DMD: variants seen among roughly 807,000 people sequenced by gnomAD.
The protein encoded by DMD is dystrophin.
Under a neutral mutation model 330.1 loss-of-function variants are expected in DMD, and 63 were observed. That is an observed-to-expected ratio of 0.19 (90% CI 0.16 to 0.24). DMD has a LOEUF of 0.24. DMD is among the 10% of genes least tolerant of loss of function. The probability of loss-of-function intolerance (pLI) is 1.00; values close to 1 mark genes in which losing one functional copy is unlikely to be tolerated. For missense variants in DMD, 3,344 were observed against 2,684.1 expected, an observed-to-expected ratio of 1.25 and a Z score of -5.43; for synonymous variants, 1,223 against 959.8, an observed-to-expected ratio of 1.27 and a Z score of -5.07.
intron 2 of DMD, among the ~76,000 whole-genome samples, chrX:32,908,975 C>A (rs1364547900): frequency 9.0e-6 from 1 of 110,996 alleles, no homozygotes; most frequent in African/African-American, 3.3e-5. Flanking sequence ...AATCCTCACA[C>A]CTTTGCATCT....
chrX:32,567,691 C>G (rs945781573), intron 15 of DMD, among the ~76,000 whole-genome samples: 1 of 112,583 alleles, frequency 8.9e-6, no homozygotes, highest in African/African-American at 3.2e-5. Context: ...GCCACCATAC[C>G]CAGCCCAATA....
intron 16 of DMD, among the ~76,000 whole-genome samples, chrX:32,563,694 C>A (rs1433678481): frequency 3.6e-5 from 4 of 111,488 alleles, no homozygotes; most frequent in Non-Finnish European, 5.7e-5. Context: ...ATAATCAAAT[C>A]AGTAATATTT....
At chrX:32,729,738 A>T (rs1268877992) in intron 7 of DMD, among the ~76,000 whole-genome samples, 11 of 86,193 alleles carry the variant, frequency 1.3e-4, no homozygotes, top group Non-Finnish European at 1.1e-4. Context: ...AAATTCAGAA[A>T]ACTACATGTT....
rs756267505 is a variant in DMD at position 31,209,714 on chromosome X, T to C, written c.9362-15A>G. 8.3e-7 allele frequency: 1 copy of C among 1,201,922 alleles called. No individual in the cohort carries two copies. The highest frequency in any genetic ancestry group is 2.2e-5 in the Admixed American group (1 of 45,671). On this transcript the variant is annotated splice_polypyrimidine_tract_variant and intron_variant, in intron 64 of 78. Transcript: ENST00000357033. ...CAAGAGATCCACTGCAAAAAACAAA[T>C]AAAATCACAAATGACTCAAAGAGTA...
chrX:32,829,538 G>A (rs1253832243), intron 4 of DMD, among the ~76,000 whole-genome samples: 1 of 111,290 alleles, frequency 9.0e-6, no homozygotes, highest in Non-Finnish European at 1.9e-5. Context: ...TACCTATTTT[G>A]TTAATCTTTT....
intron 4 of DMD, among the ~76,000 whole-genome samples, chrX:32,827,379 G>A (rs939972650): frequency 9.0e-6 from 1 of 111,138 alleles, no homozygotes; most frequent in Non-Finnish European, 1.9e-5. Context: ...ATTGGGAATT[G>A]GAGATATTAT....
intron 59 of DMD, among the ~76,000 whole-genome samples, chrX:31,465,688 T>C (rs1160626556): frequency 8.9e-6 from 1 of 112,023 alleles, no homozygotes; most frequent in South Asian, 3.7e-4. Flanking sequence ...GTCTTTATAG[T>C]AGAATGATTT....
At chrX:32,645,681 C>T (rs1303447864) in intron 9 of DMD, among the ~76,000 whole-genome samples, 3 of 111,646 alleles carry the variant, frequency 2.7e-5, no homozygotes, top group Non-Finnish European at 5.6e-5. Context: ...ATACCTCACC[C>T]ACCCATCTAA....
chrX:32,655,961 C>T (rs901694102), intron 9 of DMD, among the ~76,000 whole-genome samples: 9 of 107,335 alleles, frequency 8.4e-5, no homozygotes, highest in Non-Finnish European at 1.3e-4. Flanking sequence ...AGGATTGCAA[C>T]CCCTGCCTTT....
At chrX:32,663,126 G>T (rs1169472309) in intron 9 of DMD, among the ~76,000 whole-genome samples, 2 of 111,772 alleles carry the variant, frequency 1.8e-5, no homozygotes, top group African/African-American at 3.2e-5. Context: ...AATCTTGAGT[G>T]GAGTCTACTA....
At chrX:31,992,709 A>T (rs1376208494) in intron 44 of DMD, among the ~76,000 whole-genome samples, 4 of 111,173 alleles carry the variant, frequency 3.6e-5, no homozygotes, top group Non-Finnish European at 7.5e-5. Context: ...ATAGTCATAT[A>T]TACTTTTGTA....
intron 37 of DMD, among the ~76,000 whole-genome samples, chrX:32,358,128 C>T (rs190585235): frequency 1.8e-5 from 2 of 110,861 alleles, no homozygotes; most frequent in African/African-American, 3.3e-5. Context: ...TGATTAATCC[C>T]TTTTCTCAAG....
intron 74 of DMD, among the ~76,000 whole-genome samples, chrX:31,153,216 G>A (rs984220029): frequency 9.0e-6 from 1 of 111,726 alleles, no homozygotes; most frequent in Non-Finnish European, 1.9e-5. Context: ...TCCCAACTGC[G>A]AATCTTTGCC....
intron 3 of DMD, among the ~76,000 whole-genome samples, chrX:32,848,193 A>G (rs1453983721): frequency 3.6e-5 from 4 of 112,089 alleles, no homozygotes; most frequent in East Asian, 2.8e-4. Context: ...CAAGATGAGT[A>G]AGCCATAATC....
intron 76 of DMD, among the ~76,000 whole-genome samples, chrX:31,138,737 C>T (rs1239719316): frequency 9.2e-6 from 1 of 108,914 alleles, no homozygotes; most frequent in East Asian, 2.9e-4. Context: ...CCTGAGAACT[C>T]ACTCACTATC....
intron 1 of DMD, among the ~76,000 whole-genome samples, chrX:33,175,893 C>G (rs2049622867): frequency 1.8e-5 from 2 of 111,534 alleles, no homozygotes; most frequent in Non-Finnish European, 3.8e-5. Flanking sequence ...TATGCTAAGA[C>G]TTTTCCATAT....
rs145578812 is a variant in DMD, at chrX:33,039,903, G to A, written c.32-19703C>T. ...TATTTTTTGAGCCATTTATATAGCT[G>A]TGGCCACAAGGCAACGAGGTGAGCC... On this transcript the variant is annotated intron_variant, in intron 1 of 78. Transcript: ENST00000357033. Among the ~76,000 whole-genome samples the A allele has an allele frequency of 2.9e-3, 326 of 110,941 alleles. 4 individuals are homozygous for A. Among genetic ancestry groups the A allele is most frequent in the African/African-American group, 0.01 (311 of 30,534 alleles).
intron 53 of DMD, among the ~76,000 whole-genome samples, chrX:31,669,681 C>T (rs2081631329): frequency 9.0e-6 from 1 of 111,102 alleles, no homozygotes; most frequent in African/African-American, 3.3e-5. Flanking sequence ...TATGTCTATT[C>T]ACATTCTAGT....
rs1171543953 is a variant in DMD, at chrX:32,312,941, C to CAAAAAAA, written c.5923-2666_5923-2665insTTTTTTT. Among the ~76,000 whole-genome samples the CAAAAAAA allele has an allele frequency of 4.2e-4, 8 of 19,197 alleles. 1 individual carries two copies. Among genetic ancestry groups the CAAAAAAA allele is most frequent in the Non-Finnish European group, 7.5e-4 (7 of 9,324 alleles). 16.7% of individuals were successfully genotyped at this position (19,197 alleles called of 115,157 possible). A position where few individuals can be genotyped will look rare whatever the true frequency, so the allele number is the denominator to read the frequency against. Reference sequence around the variant, plus strand: ...AATTGAGGCAGTAATAGCCTACGAACCAAAAAAAAAAAAAAAAAAAAAAGC... The same window carrying CAAAAAAA: ...AATTGAGGCAGTAATAGCCTACGAACAAAAAAACAAAAAAAAAAAAAAAAAAAAAAGC... On this transcript the variant is annotated intron_variant, in intron 41 of 78. Coordinates refer to ENST00000357033, the MANE Select transcript of DMD (RefSeq NM_004006.3).
Sources: allele counts gnomAD v4.1 joint callset (sites outside exome capture counted in the v4.1 genomes callset), GRCh38; gene constraint gnomAD v4.1.1; transcripts MANE v1.5; gene names NCBI Gene and HGNC (gene_info 2026-07-23, HGNC 2026-07-21).